Variants in FBXO46 observed in about 807,000 individuals in gnomAD.
The protein encoded by FBXO46 is F-box only protein 46.
A neutral mutation model predicts 30.7 loss-of-function variants in FBXO46; 13 were observed. The ratio of observed to expected loss-of-function variants is 0.42; its 90% CI spans 0.28 to 0.67. FBXO46 has a LOEUF of 0.67. Among genes scored for constraint, FBXO46 ranks in the 30% least tolerant of loss-of-function variants. The pLI is 0.21. For missense variants in FBXO46, 754 were observed against 871.5 expected (o/e 0.87, Z 1.70); for synonymous variants, 467 against 385.8 (o/e 1.21, Z -2.47).
chr19:45,731,316 TC>T (rs142836648), upstream of FBXO46, among the ~76,000 whole-genome samples: 2 of 133,318 alleles, frequency 1.5e-5, no homozygotes, highest in South Asian at 2.6e-4. Context: ...TCCATCCCCT[TC>T]TTTTTTTTTT....
At chr19:45,716,559 G>A (rs1968092847) in intron 1 of FBXO46, 1 of 151,996 alleles carries the variant, frequency 6.6e-6, no homozygotes, top group Admixed American at 6.6e-5. Context: ...CACTCTCCCG[G>A]AATCCTATAC....
chr19:45,721,144 A>G (rs1968165054), intron 1 of FBXO46, among the ~76,000 whole-genome samples: 2 of 152,234 alleles, frequency 1.3e-5, no homozygotes, highest in Middle Eastern at 3.4e-3. Context: ...GCTTAAGCCA[A>G]TGAATTTGAG....
In FBXO46 at chr19:45,720,822, T is replaced by A. The variant is rs80325221; in HGVS notation, c.-78-7249A>T. ...GGTCTAAACTACAATATAAACATCA[T>A]CCTGGCTGGGCGCAGTGGCTCACAC... On this transcript the variant is annotated intron_variant, in intron 1 of 1. Transcript: ENST00000317683. Among the ~76,000 whole-genome samples, 1,587 of 150,640 alleles carry A rather than the reference T, an allele frequency of 0.011. 209 individuals carry two copies. In the East Asian group the frequency reaches 0.28, roughly 26 times the overall value.
At position 45,711,110 on chromosome 19, in the gene FBXO46, C is replaced by G. The variant is rs988260286; in HGVS notation, c.*574G>C. 1 of 361,934 alleles carries G rather than the reference C, an allele frequency of 2.8e-6. No individual in the cohort carries two copies. The highest frequency in any genetic ancestry group is 4.4e-5 in the Admixed American group (1 of 22,820). The allele number at this position is 361,934 out of a possible 1,614,324, so 22.4% of individuals were successfully genotyped here. A position where few individuals can be genotyped will look rare whatever the true frequency, so the allele number is the denominator to read the frequency against. ...TAAGGAGAAAACAGTATTTCCCCCC[C>G]ACTTCTTTAATAGGCAAACCATCTA... On this transcript the variant is annotated 3_prime_UTR_variant, in exon 2 of 2. Transcript: ENST00000317683.
In FBXO46 at chr19:45,721,000, C is replaced by CA. The variant is rs11326838; in HGVS notation, c.-78-7428dup. On this transcript the variant is annotated intron_variant, in intron 1 of 1. Transcript: ENST00000317683. ...TGGGTGACAGAGCAAGACTCTCAGC[C>CA]AAAAAAAAAAAAAAAAAGAAGTGAA... is the stretch of plus-strand genomic sequence containing the variant. 6.3e-4 allele frequency among the ~76,000 whole-genome samples: 68 copies of CA among 107,596 alleles called. 2 individuals are homozygous for CA. The highest frequency in any genetic ancestry group is 1.6e-3 in the South Asian group (5 of 3,222). The allele number at this position is 107,596 out of a possible 152,430, so 70.6% of individuals were successfully genotyped here.
Position 45,712,662 on chromosome 19 carries a change from C to T in FBXO46, c.834G>A (p.Leu278=), listed in dbSNP as rs781374183. 5.0e-6 allele frequency: 8 copies of T among 1,611,966 alleles called. No individual in the cohort carries two copies. The highest frequency in any genetic ancestry group is 5.1e-6 in the Non-Finnish European group (6 of 1,179,014). The change falls in exon 2 of 2, where the codon CTG becomes CTA. Residue 278 remains leucine (L), a synonymous_variant. Transcript: ENST00000317683. The surrounding 1 kb of genome is among the most constrained non-coding windows in gnomAD (Gnocchi z 8.8). ...CAGGCCTGCCCCCGCCCCCACTGGG[C>T]AGGCCGCTGTCTGGTGCACGGGGCT... ...GREPRAPDSG[L]PSGGGGRPGC...
Position 45,711,814 on chromosome 19 carries a change from G to A in FBXO46, c.1682C>T (p.Ser561Phe). The change falls in exon 2 of 2, where the codon TCC (serine) becomes TTC (phenylalanine). Residue 561 changes from serine to phenylalanine, a missense_variant. Physicochemically the swap from Ser to Phe is radical, Grantham distance 155. Transcript: ENST00000317683. ...PYHHDLPYGR[S>F]YWMCCRRADR... ...GGCTCGACGGCAGCACATCCAGTAG[G>A]AACGTCCGTAAGGCAGGTCATGGTG... The A allele has an allele frequency of 1.2e-6, 2 of 1,612,860 alleles. No homozygotes were observed. The highest frequency in any genetic ancestry group is 1.7e-6 in the Non-Finnish European group (2 of 1,179,630).
Position 45,722,832 on chromosome 19 carries a change from G to A in FBXO46, c.-79+8017C>T, listed in dbSNP as rs561285960. Among the ~76,000 whole-genome samples, 9 of 151,462 alleles carry A rather than the reference G, an allele frequency of 5.9e-5. No individual in the cohort carries two copies. In the South Asian group the frequency reaches 1.7e-3, roughly 28 times the overall value. On this transcript the variant is annotated intron_variant, in intron 1 of 1. Coordinates refer to ENST00000317683, the MANE Select transcript of FBXO46 (RefSeq NM_001080469.2). ...TCCCAGCACCTTGGGAGGCTGAAGCGGGCACTTGAGGTCAGGATGAGACCA... is the reference window on the plus strand; with the variant it reads ...TCCCAGCACCTTGGGAGGCTGAAGCAGGCACTTGAGGTCAGGATGAGACCA...
At chr19:45,725,688 T>C (rs1159452405) in intron 1 of FBXO46, among the ~76,000 whole-genome samples, 1 of 151,806 alleles carries the variant, frequency 6.6e-6, no homozygotes, top group East Asian at 1.9e-4. Flanking sequence ...GAGCCGAGAC[T>C]GTACCACTGC....
chr19:45,712,056 C>T lies in FBXO46; in HGVS notation c.1440G>A (p.Val480=). 6.2e-7 allele frequency: 1 copy of T among 1,611,428 alleles called. No individual in the cohort carries two copies. Among genetic ancestry groups the T allele is most frequent in the South Asian group, 1.1e-5 (1 of 90,798 alleles). ...GCAGGAAGCTGAAGATCTTGACCAG[C>T]ACGTGCTCGGGCAGCAGCAGCATGT... ...RQYMLLLPEH[V]LVKIFSFLPT... is the part of the protein sequence containing the mutation. The change falls in exon 2 of 2, where the codon GTG becomes GTA. Residue 480 remains valine (V), a synonymous_variant. Coordinates refer to ENST00000317683, the MANE Select transcript of FBXO46 (RefSeq NM_001080469.2). This position sits in a 1 kb window ranked among gnomAD's most constrained non-coding sequence, Gnocchi z 8.8.
chr19:45,727,665 C>T (rs1040436587), intron 1 of FBXO46, among the ~76,000 whole-genome samples: 1 of 152,068 alleles, frequency 6.6e-6, no homozygotes, highest in Non-Finnish European at 1.5e-5. Context: ...CTCTCTGAAG[C>T]CAGTGTTTTC....
rs1568543458 is a variant in FBXO46 at position 45,711,334 on chromosome 19, A to T, written c.*350T>A. On this transcript the variant is annotated 3_prime_UTR_variant, in exon 2 of 2. Coordinates refer to ENST00000317683, the MANE Select transcript of FBXO46 (RefSeq NM_001080469.2). ...GGGGGCCAGAATGGGGGGACCCTTA[A>T]GTGGTACCAAAATTAGCTGCCGTCT... 1 of 486,498 alleles carries T rather than the reference A, an allele frequency of 2.1e-6. No homozygotes were observed. The allele number at this position is 486,498 out of a possible 1,614,324, so 30.1% of individuals were successfully genotyped here.
chr19:45,716,410 C>T (rs1968091404), intron 1 of FBXO46: 1 of 151,902 alleles, frequency 6.6e-6, no homozygotes, highest in African/African-American at 2.4e-5. Context: ...AATGTCCTCC[C>T]CCAAATATCG....
In FBXO46 at chr19:45,711,186, C is replaced by T. The variant is rs1967952784; in HGVS notation, c.*498G>A. 2.4e-6 allele frequency: 1 copy of T among 417,582 alleles called. No homozygotes were observed. The highest frequency in any genetic ancestry group is 4.6e-6 in the Non-Finnish European group (1 of 215,506). The allele number at this position is 417,582 out of a possible 1,614,324, so 25.9% of individuals were successfully genotyped here. On this transcript the variant is annotated 3_prime_UTR_variant, in exon 2 of 2. Transcript: ENST00000317683. ...CAGATCCCACCTGTGACCTGACAGC[C>T]CCCAATTCCTAGAGAGGTGAGAGCT...
In FBXO46 at chr19:45,713,725, T is replaced by A. The variant is rs1968040825; in HGVS notation, c.-78-152A>T. Reference sequence around the variant, plus strand: ...GCTCACGCCTGTAATCCCAGCACTTTGGGAGGCTGAGGTGGGCAGATCACC... The same window carrying A: ...GCTCACGCCTGTAATCCCAGCACTTAGGGAGGCTGAGGTGGGCAGATCACC... On this transcript the variant is annotated intron_variant, in intron 1 of 1. Transcript: ENST00000317683. The surrounding 1 kb of genome is among the most constrained non-coding windows in gnomAD (Gnocchi z 4.7). Among the ~76,000 whole-genome samples the A allele has an allele frequency of 6.6e-6, 1 of 152,034 alleles. No homozygotes were observed. The highest frequency in any genetic ancestry group is 1.5e-5 in the Non-Finnish European group (1 of 67,988).
chr19:45,728,347 C>A (rs1044462010), intron 1 of FBXO46, among the ~76,000 whole-genome samples: 1 of 152,226 alleles, frequency 6.6e-6, no homozygotes, highest in African/African-American at 2.4e-5. Context: ...CATCTTCCCT[C>A]TTGGTTCCTC....
chr19:45,730,299 C>T (rs1968292069), intron 1 of FBXO46, among the ~76,000 whole-genome samples: 1 of 151,982 alleles, frequency 6.6e-6, no homozygotes, highest in Non-Finnish European at 1.5e-5. Flanking sequence ...GGGAAATTAT[C>T]ACTACATCCA....
At chr19:45,729,132 T>C (rs1968276630) in intron 1 of FBXO46, among the ~76,000 whole-genome samples, 1 of 150,062 alleles carries the variant, frequency 6.7e-6, no homozygotes, top group African/African-American at 2.5e-5. Flanking sequence ...CAAAAAACCA[T>C]AAAAATAAAT....
Position 45,712,592 on chromosome 19 carries a change from C to A in FBXO46, c.904G>T (p.Asp302Tyr). The A allele has an allele frequency of 6.3e-7, 1 of 1,591,528 alleles. No homozygotes were observed. The highest frequency in any genetic ancestry group is 8.6e-7 in the Non-Finnish European group (1 of 1,168,352). Residue 302 changes from aspartate (D) to tyrosine (Y), a missense_variant, in exon 2 of 2, where the codon GAC (aspartate) becomes TAC (tyrosine). Physicochemically the swap from Asp to Tyr is radical, Grantham distance 160. Around this residue, in one of 5 missense-constraint regions of FBXO46, gnomAD observed 454 missense variants for 426.5 expected, o/e 1.06. Coordinates refer to ENST00000317683, the MANE Select transcript of FBXO46 (RefSeq NM_001080469.2). This position sits in a 1 kb window ranked among gnomAD's most constrained non-coding sequence, Gnocchi z 8.8. ...TGGTATAAGTCACATGTGATCTTGT[C>A]CTTGGCTCGGGCCCCAGGACCTGGG... ...GSPGPGARAK[D>Y]KITCDLYQLI...
Sources: gnomAD v4.1 joint callset for allele counts (sites outside exome capture counted in the v4.1 genomes callset) on GRCh38, gnomAD v4.1.1 for gene constraint, gnomAD v4.1.1 regional missense constraint, Gnocchi (gnomAD v3.1) non-coding constraint, MANE v1.5 for transcripts, NCBI Gene and HGNC (gene_info 2026-07-23, HGNC 2026-07-21) for gene names.